Variants in PTGES3L observed in about 807,000 individuals in gnomAD.
PTGES3L encodes the protein prostaglandin E synthase 3 like, also known as putative protein PTGES3L.
In PTGES3L, 17 loss-of-function variants were observed where a neutral mutation model predicts 25.0. That is an observed-to-expected ratio of 0.68 (90% confidence interval 0.47 to 1.02). PTGES3L has a LOEUF of 1.02. Among genes scored for constraint, PTGES3L ranks in the 50% least tolerant of loss-of-function variants. The pLI is 0.00. For synonymous variants in PTGES3L, 59 were observed against 65.7 expected (o/e 0.90, Z 0.50); for missense variants, 202 against 197.5 (o/e 1.02, Z -0.14).
intron 4 of PTGES3L, among the ~76,000 whole-genome samples, chr17:42,978,545 G>T (rs865936794): frequency 5.3e-5 from 8 of 152,314 alleles, no homozygotes; most frequent in Middle Eastern, 3.4e-3. Context: ...TAAGTTAACT[G>T]GGAGAGATTA....
At chr17:42,974,635 T>C (rs2049921124) in intron 4 of PTGES3L, among the ~76,000 whole-genome samples, 1 of 151,860 alleles carries the variant, frequency 6.6e-6, no homozygotes, top group Non-Finnish European at 1.5e-5. Context: ...TAGCTGGGAA[T>C]GCTGGTGGGC....
rs372902883 is a variant in PTGES3L at position 42,969,201 on chromosome 17, GAAAA to G, written c.433-19_433-16del. On this transcript the variant is annotated splice_polypyrimidine_tract_variant and intron_variant, in intron 6 of 6. Coordinates refer to ENST00000591916, the MANE Select transcript of PTGES3L (RefSeq NM_001261430.2). Reference sequence around the variant, plus strand: ...TCAGAATCATCCTGGGGGCGGGGGGGAAAAAAGACAAAGCACCTGTAGACCCTGC... The same window carrying G: ...TCAGAATCATCCTGGGGGCGGGGGGGAAGACAAAGCACCTGTAGACCCTGC... 10 of 1,364,898 alleles carry G rather than the reference GAAAA, an allele frequency of 7.3e-6. No individual in the cohort carries two copies. The African/African-American group carries it at 1.1e-4, about 15-fold the overall frequency. 84.5% of individuals were successfully genotyped at this position (1,364,898 alleles called of 1,614,324 possible).
Position 42,968,836 on chromosome 17 carries a change from T to G in PTGES3L, c.*312A>C, listed in dbSNP as rs922384346. 2.2e-5 allele frequency: 7 copies of G among 315,752 alleles called. No individual in the cohort carries two copies. The highest frequency in any genetic ancestry group is 9.3e-5 in the Admixed American group (2 of 21,582). The allele number at this position is 315,752 out of a possible 1,614,324, so 19.6% of individuals were successfully genotyped here. On this transcript the variant is annotated 3_prime_UTR_variant, in exon 7 of 7. Transcript: ENST00000591916. The stretch of plus-strand genomic sequence containing the variant: ...ATCTGCATTCTTCTTTGGCTTTTGT[T>G]TTGCCACATACACACACATACTCAA...
chr17:42,977,704 G>GAAAT (rs2049984772), intron 4 of PTGES3L, among the ~76,000 whole-genome samples: 1 of 151,154 alleles, frequency 6.6e-6, no homozygotes, highest in African/African-American at 2.4e-5. Context: ...AAGAAAGAAA[G>GAAAT]AAAGAAAGAA....
At chr17:42,971,840 G>C in intron 4 of PTGES3L, 144 bp from the exon 5 acceptor site, 1 of 655,900 alleles carries the variant, frequency 1.5e-6, no homozygotes, top group East Asian at 2.8e-5. Context: ...CCTTTGACCA[G>C]GAACCTGCCA....
chr17:42,979,255 T>C lies in PTGES3L; in HGVS notation c.203A>G (p.Lys68Arg). ...AKVNSKDSQDKRSSRSITCFV... is the reference protein window; with the variant it reads ...AKVNSKDSQDRRSSRSITCFV... ...ACAAGTAATAGAGCGGGAAGAGCGC[T>C]TATCCTGGGAGTCCTGCCAGATAGA... The change falls in exon 4 of 7, where the codon AAG becomes AGG. Residue 68 changes from lysine (K) to arginine (R), a missense_variant. Transcript: ENST00000591916. 8 of 1,614,084 alleles carry C rather than the reference T, an allele frequency of 5.0e-6. No individual in the cohort carries two copies. Among genetic ancestry groups the C allele is most frequent in the Non-Finnish European group, 5.9e-6 (7 of 1,180,000 alleles).
At chr17:42,970,715 C>CACACACAG (rs2049820955) in intron 5 of PTGES3L, among the ~76,000 whole-genome samples, 1 of 127,602 alleles carries the variant, frequency 7.8e-6, no homozygotes, top group African/African-American at 2.7e-5. Context: ...CACACACACA[C>CACACACAG]ACAGAGGCCG....
intron 5 of PTGES3L, among the ~76,000 whole-genome samples, chr17:42,970,676 G>GCACACA (rs57542042): frequency 0.037 from 5,267 of 144,020 alleles, 114 homozygotes; most frequent in Middle Eastern, 0.052. Flanking sequence ...CTTAACACGC[G>GCACACA]CACACACACA....
intron 4 of PTGES3L, 108 bp downstream of exon 4, chr17:42,979,062 G>A (rs2050020130): frequency 1.8e-6 from 2 of 1,110,132 alleles, no homozygotes; most frequent in Non-Finnish European, 1.4e-6. Flanking sequence ...AAAAGATTAG[G>A]CAGGACTTGT....
In PTGES3L at chr17:42,968,595, T is replaced by C. The variant is rs1181635540; in HGVS notation, c.*553A>G. ...TGCAGGAAGCTGAAGTGGCTGGTTC[T>C]AGAGATGACAGAATTAGCTGTAAGA... On this transcript the variant is annotated 3_prime_UTR_variant, in exon 7 of 7. Transcript: ENST00000591916. 6.6e-6 allele frequency: 1 copy of C among 151,718 alleles called. No individual in the cohort carries two copies. The highest frequency in any genetic ancestry group is 1.5e-5 in the Non-Finnish European group (1 of 68,148). The allele number at this position is 151,718 out of a possible 1,614,324, so 9.4% of individuals were successfully genotyped here.
chr17:42,980,022 A>G lies in PTGES3L; in HGVS notation c.8+24T>C, dbSNP rs1259242140. The G allele has an allele frequency of 3.9e-6, 6 of 1,544,400 alleles. No homozygotes were observed. In the South Asian group the frequency reaches 7.2e-5, roughly 18 times the overall value. On this transcript the variant is annotated intron_variant, in intron 1 of 6. Transcript: ENST00000591916. ...ATCTCCAGGGAAAAGGGCCAGGGGG[A>G]GCACCGGAGCCGGAAACACTCACCG...
rs1441470086 is a variant in PTGES3L at position 42,970,237 on chromosome 17, G to A, written c.432+52C>T. On this transcript the variant is annotated intron_variant, in intron 6 of 6. Coordinates refer to ENST00000591916, the MANE Select transcript of PTGES3L (RefSeq NM_001261430.2). The stretch of plus-strand genomic sequence containing the variant: ...TGGGATAGGAGCTCTCTAGTGGGTT[G>A]TTTTTAAGGGCTACAAAGAAACTGA... 1.9e-6 allele frequency: 3 copies of A among 1,609,696 alleles called. No homozygotes were observed. The African/African-American group carries it at 4.0e-5, about 21-fold the overall frequency.
At chr17:42,971,145 C>G (rs2049828691) in intron 5 of PTGES3L, among the ~76,000 whole-genome samples, 3 of 151,834 alleles carry the variant, frequency 2.0e-5, no homozygotes, top group Admixed American at 2.0e-4. Context: ...TAAAAAAATA[C>G]AAAAATTATC....
In PTGES3L at chr17:42,968,247, A is replaced by C. The variant is rs2049768647; in HGVS notation, c.*901T>G. On this transcript the variant is annotated 3_prime_UTR_variant, in exon 7 of 7. Coordinates refer to ENST00000591916, the MANE Select transcript of PTGES3L (RefSeq NM_001261430.2). ...AACAATCAGTTTTAAAAGTATAAAG[A>C]GGGCCGGGTGTGGTGGCTCATACAT... 1 of 151,936 alleles carries C rather than the reference A, an allele frequency of 6.6e-6. No individual in the cohort carries two copies. The highest frequency in any genetic ancestry group is 1.5e-5 in the Non-Finnish European group (1 of 67,974). The allele number at this position is 151,936 out of a possible 1,614,324, so 9.4% of individuals were successfully genotyped here. A position where few individuals can be genotyped will look rare whatever the true frequency, so the allele number is the denominator to read the frequency against.
intron 4 of PTGES3L, among the ~76,000 whole-genome samples, chr17:42,974,340 A>T (rs967084388): frequency 2.0e-5 from 3 of 151,204 alleles, no homozygotes; most frequent in African/African-American, 7.3e-5. Context: ...AGCCTGGGCA[A>T]CAAGAGTGGA....
intron 1 of PTGES3L, 104 bp downstream of exon 1, chr17:42,979,942 G>C: frequency 4.1e-6 from 6 of 1,457,364 alleles, no homozygotes; most frequent in Non-Finnish European, 5.4e-6. Context: ...CAGGGGTCCG[G>C]GGCTCCCGTG....
intron 4 of PTGES3L, among the ~76,000 whole-genome samples, chr17:42,976,427 G>A (rs2049955833): frequency 6.6e-6 from 1 of 152,022 alleles, no homozygotes; most frequent in Admixed American, 6.6e-5. Flanking sequence ...CGCCCAGGCT[G>A]GAATGCAGTG....
intron 4 of PTGES3L, among the ~76,000 whole-genome samples, chr17:42,973,504 T>C (rs1378542711): frequency 6.6e-6 from 1 of 151,832 alleles, no homozygotes; most frequent in Non-Finnish European, 1.5e-5. Context: ...GCCCAACAGC[T>C]CACTGAGAAC....
In PTGES3L at chr17:42,970,308, G is replaced by C. The variant is rs951047965; in HGVS notation, c.413C>G (p.Pro138Arg). The change falls in exon 6 of 7, where the codon CCT (proline) becomes CGT (arginine). Residue 138 changes from proline (P) to arginine (R), a missense_variant. By Grantham distance (103) the Pro-to-Arg change is moderately radical. Transcript: ENST00000591916. The part of the protein sequence containing the change: ...LKKVSTKRPP[P>R]AMDDLDDDSD... ...ACTTACATCCAAATCATCCATGGCAGGTGGAGGTCTCTTGGTGCTGACCTT... is the reference window on the plus strand; with the variant it reads ...ACTTACATCCAAATCATCCATGGCACGTGGAGGTCTCTTGGTGCTGACCTT... The C allele has an allele frequency of 7.4e-6, 12 of 1,613,834 alleles. No individual in the cohort carries two copies. In the African/African-American group the frequency reaches 1.6e-4, roughly 22 times the overall value.
Sources: gnomAD v4.1 joint callset for allele counts (sites outside exome capture counted in the v4.1 genomes callset) on GRCh38, gnomAD v4.1.1 for gene constraint, MANE v1.5 for transcripts, NCBI Gene and HGNC (gene_info 2026-07-23, HGNC 2026-07-21) for gene names.